SLC4A10: variants seen among roughly 807,000 people sequenced by gnomAD.
SLC4A10 encodes the protein sodium-driven chloride bicarbonate exchanger.
A neutral mutation model predicts 137.7 loss-of-function variants in SLC4A10; 42 were observed. That is an observed-to-expected ratio of 0.30 (90% CI 0.24 to 0.39). The LOEUF is 0.39. Among genes scored for constraint, SLC4A10 ranks in the 10% least tolerant of loss-of-function variants. The pLI is 1.00. For synonymous variants in SLC4A10, 474 were observed against 464.1 expected (o/e 1.02, Z -0.27); for missense variants, 925 against 1,355.0 (o/e 0.68, Z 4.98).
chr2:161,919,614 C>T (rs549295722), intron 15 of SLC4A10, among the ~76,000 whole-genome samples: 1 of 152,264 alleles, frequency 6.6e-6, no homozygotes, highest in East Asian at 1.9e-4. Flanking sequence ...GAGCTACCCA[C>T]TTTGGGCCTC....
chr2:161,763,755 G>A (rs2050506994), intron 1 of SLC4A10, among the ~76,000 whole-genome samples: 1 of 152,178 alleles, frequency 6.6e-6, no homozygotes, highest in Non-Finnish European at 1.5e-5. Flanking sequence ...GGAAGGCAAA[G>A]AATCTGGTGA....
intron 2 of SLC4A10, among the ~76,000 whole-genome samples, chr2:161,777,554 C>T (rs1169335065): frequency 2.6e-5 from 4 of 151,952 alleles, no homozygotes; most frequent in African/African-American, 4.8e-5. Flanking sequence ...TACAGTTCTG[C>T]GTGGCTGGGA....
At chr2:161,930,904 T>TTTTTG (rs370252753) in intron 15 of SLC4A10, among the ~76,000 whole-genome samples, 13,699 of 147,944 alleles carry the variant, frequency 0.093, 787 homozygotes, top group African/African-American at 0.16. Context: ...CTGCCACATG[T>TTTTTG]TTTTGTTTTG....
intron 15 of SLC4A10, among the ~76,000 whole-genome samples, chr2:161,911,027 TTAAAATATGTAAAAAA>T (rs1310139762): frequency 4.0e-5 from 6 of 151,786 alleles, no homozygotes; most frequent in Admixed American, 2.6e-4. Context: ...TTTAAAATAT[TTAAAATATGTAAAAAA>T]TAAAATATGT....
intron 12 of SLC4A10, chr2:161,901,930 T>C: frequency 2.4e-6 from 1 of 413,236 alleles, no homozygotes; most frequent in Non-Finnish European, 4.7e-6. Context: ...TTTTTATTTT[T>C]GGTGGTATTT....
intron 5 of SLC4A10, among the ~76,000 whole-genome samples, chr2:161,857,268 C>G (rs1248188220): frequency 6.6e-6 from 1 of 152,156 alleles, no homozygotes; most frequent in Non-Finnish European, 1.5e-5. Flanking sequence ...TCTACCCTTA[C>G]AGTGAAAGTA....
chr2:161,893,420 G>A (rs1365816678), intron 10 of SLC4A10, among the ~76,000 whole-genome samples: 1 of 152,034 alleles, frequency 6.6e-6, no homozygotes, highest in Non-Finnish European at 1.5e-5. Flanking sequence ...GAAAAGTCAG[G>A]GTGCAGTAGC....
chr2:161,746,042 G>A (rs919255000), intron 1 of SLC4A10, among the ~76,000 whole-genome samples: 3 of 152,162 alleles, frequency 2.0e-5, no homozygotes, highest in Admixed American at 6.5e-5. Context: ...TGAAGCCAGC[G>A]CAGTACTGGG....
chr2:161,863,247 A>C lies in SLC4A10; in HGVS notation c.766+185A>C, dbSNP rs1028449323. The stretch of plus-strand genomic sequence containing the variant: ...CATCAAGTTGTAAAAATTTTAGAAA[A>C]GAACTTAAGTTTCCTGAAAGGTTCA... On this transcript the variant is annotated intron_variant, in intron 6 of 26. Transcript: ENST00000446997. Among the ~76,000 whole-genome samples the C allele has an allele frequency of 7.2e-5, 11 of 152,334 alleles. No individual in the cohort carries two copies. The South Asian group carries it at 1.2e-3, about 17-fold the overall frequency.
At chr2:161,888,402 A>G (rs1656114993) in intron 10 of SLC4A10, among the ~76,000 whole-genome samples, 1 of 152,092 alleles carries the variant, frequency 6.6e-6, no homozygotes, top group Admixed American at 6.5e-5. Context: ...CATTTTCACG[A>G]TATTGATTCT....
At chr2:161,705,124 G>GT (rs990765019) in intron 1 of SLC4A10, among the ~76,000 whole-genome samples, 38 of 151,582 alleles carry the variant, frequency 2.5e-4, no homozygotes, top group African/African-American at 6.7e-4. Flanking sequence ...GATTCTTATA[G>GT]TTTTTTTACT....
At chr2:161,673,314 G>T (rs1001492998) in intron 1 of SLC4A10, among the ~76,000 whole-genome samples, 1 of 152,082 alleles carries the variant, frequency 6.6e-6, no homozygotes, top group Admixed American at 6.6e-5. Flanking sequence ...TTGTTGTGAG[G>T]GTCAGTTTCA....
At chr2:161,817,524 C>G (rs1221754655) in intron 3 of SLC4A10, among the ~76,000 whole-genome samples, 3 of 152,054 alleles carry the variant, frequency 2.0e-5, no homozygotes, top group Non-Finnish European at 4.4e-5. Context: ...GTTGCCATTG[C>G]TTTTGGTGTT....
intron 1 of SLC4A10, among the ~76,000 whole-genome samples, chr2:161,669,304 G>C (rs1415330327): frequency 6.6e-6 from 1 of 151,712 alleles, no homozygotes; most frequent in South Asian, 2.1e-4. Flanking sequence ...AACAGTGAAG[G>C]ATATATCCAA....
intron 1 of SLC4A10, among the ~76,000 whole-genome samples, chr2:161,640,946 T>C (rs964128158): frequency 6.6e-6 from 1 of 152,186 alleles, no homozygotes; most frequent in African/African-American, 2.4e-5. Flanking sequence ...CTGAAATGCT[T>C]GTGTACCTGG....
At chr2:161,918,984 G>A (rs780016324) in intron 15 of SLC4A10, among the ~76,000 whole-genome samples, 3 of 152,298 alleles carry the variant, frequency 2.0e-5, no homozygotes, top group East Asian at 3.9e-4. Flanking sequence ...GGCCTGGAAA[G>A]CCCCCTCCCC....
intron 1 of SLC4A10, among the ~76,000 whole-genome samples, chr2:161,734,409 T>G (rs1294529958): frequency 2.0e-5 from 3 of 152,154 alleles, no homozygotes; most frequent in African/African-American, 7.2e-5. Context: ...TCTCTCTCAT[T>G]TTTTCTTGCC....
chr2:161,733,712 G>C (rs1036742430), intron 1 of SLC4A10, among the ~76,000 whole-genome samples: 1 of 152,094 alleles, frequency 6.6e-6, no homozygotes, highest in Non-Finnish European at 1.5e-5. Flanking sequence ...GGCCAATTTG[G>C]CAGCTTGCGC....
At chr2:161,733,555 G>A (rs945792252) in intron 1 of SLC4A10, among the ~76,000 whole-genome samples, 10 of 152,252 alleles carry the variant, frequency 6.6e-5, no homozygotes, top group African/African-American at 2.2e-4. Context: ...CTTTGCTAGG[G>A]CAGTGCAGAC....
Sources: gnomAD v4.1 joint callset for allele counts (sites outside exome capture counted in the v4.1 genomes callset) on GRCh38, gnomAD v4.1.1 for gene constraint, MANE v1.5 for transcripts, NCBI Gene and HGNC (gene_info 2026-07-23, HGNC 2026-07-21) for gene names.